The following PILRA variants were observed in gnomAD, a reference collection of about 807,000 sequenced individuals.
PILRA encodes paired immunoglobulin-like type 2 receptor alpha.
In PILRA, 37 loss-of-function variants were observed where a neutral mutation model predicts 33.1. That is an observed-to-expected ratio of 1.12 (90% confidence interval 0.86 to 1.47). PILRA has a LOEUF of 1.47. Ranked by LOEUF, PILRA falls within the 40% of genes most tolerant of loss-of-function variation. PILRA has a pLI of 0.00. For missense variants in PILRA, 312 were observed against 376.2 expected (o/e 0.83, Z 1.41); for synonymous variants, 146 against 149.9 (o/e 0.97, Z 0.19).
chr7:100,374,469 C>G, intron 2 of PILRA, 36 bp downstream of exon 2: 3 of 1,612,160 alleles, frequency 1.9e-6, no homozygotes, highest in Non-Finnish European at 2.5e-6. Context: ...CTTTGCCCAC[C>G]GCAGTGAGGC....
At chr7:100,391,405 G>T (rs1310450919) in intron 3 of PILRA, among the ~76,000 whole-genome samples, 1 of 152,084 alleles carries the variant, frequency 6.6e-6, no homozygotes, top group East Asian at 1.9e-4. Flanking sequence ...ACACTTGGTT[G>T]GTTGGGCAGG....
intron 3 of PILRA, among the ~76,000 whole-genome samples, chr7:100,393,316 AT>A (rs567703204): frequency 1.3e-4 from 19 of 150,128 alleles, no homozygotes; most frequent in East Asian, 3.9e-4. Context: ...ACCACTTATG[AT>A]TTTTTTTTTA....
At chr7:100,389,752 C>T (rs771785967) in intron 2 of PILRA, 136 bp from the exon 3 acceptor site, 22 of 694,724 alleles carry the variant, frequency 3.2e-5, no homozygotes, top group East Asian at 5.2e-5. Context: ...CCCTGTTCCC[C>T]GCTCCCTGTG....
chr7:100,381,654 G>A (rs2130182119), intron 2 of PILRA, among the ~76,000 whole-genome samples: 1 of 152,312 alleles, frequency 6.6e-6, no homozygotes, highest in South Asian at 2.1e-4. Context: ...TCATCCCGCC[G>A]CTGCACAGTG....
chr7:100,381,444 CAAAAAAAAA>C (rs60123996), intron 2 of PILRA, among the ~76,000 whole-genome samples: 1 of 82,072 alleles, frequency 1.2e-5, no homozygotes, highest in Non-Finnish European at 2.4e-5. Context: ...GATCCTGACT[CAAAAAAAAA>C]AAAAAAAAAA....
intron 2 of PILRA, chr7:100,376,294 T>A (rs1484962167): frequency 6.6e-6 from 1 of 152,026 alleles, no homozygotes; most frequent in African/African-American, 2.4e-5. Flanking sequence ...TTTTGAGAGA[T>A]TTGGGTTTTT....
At chr7:100,383,862 G>A (rs1791187000) in intron 2 of PILRA, among the ~76,000 whole-genome samples, 1 of 152,046 alleles carries the variant, frequency 6.6e-6, no homozygotes, top group Non-Finnish European at 1.5e-5. Context: ...GTCTCGAACT[G>A]TTGACTTCAG....
chr7:100,395,281 T>A (rs187149492), intron 3 of PILRA, among the ~76,000 whole-genome samples: 194 of 152,240 alleles, frequency 1.3e-3, no homozygotes, highest in Non-Finnish European at 1.9e-3. Flanking sequence ...GGTGCTTAGG[T>A]CATGACGGCT....
chr7:100,391,478 G>A (rs1395335145), intron 3 of PILRA, among the ~76,000 whole-genome samples: 1 of 152,162 alleles, frequency 6.6e-6, no homozygotes, highest in East Asian at 1.9e-4. Flanking sequence ...CTTGAGCCAA[G>A]GAGTTCAAGA....
intron 4 of PILRA, 73 bp downstream of exon 4, chr7:100,397,985 A>G: frequency 6.8e-7 from 1 of 1,474,942 alleles, no homozygotes; most frequent in Non-Finnish European, 9.5e-7. Context: ...GGAAACAGGG[A>G]GTGTGCTGCT....
Position 100,397,878 on chromosome 7 carries a change from G to C in PILRA, c.674-1G>C. ...CTGACTCACTGTTGGTCCCCCTACA[G>C]GTCAGCAGCGGACTAAAGCCACAAC... On this transcript the variant is annotated splice_acceptor_variant, in intron 3 of 6. Transcript: ENST00000198536. LOFTEE classifies it high-confidence loss of function. 6.2e-7 allele frequency: 1 copy of C among 1,613,892 alleles called. No homozygotes were observed. The highest frequency in any genetic ancestry group is 8.5e-7 in the Non-Finnish European group (1 of 1,179,936).
At position 100,390,058 on chromosome 7, in the gene PILRA, A is replaced by G. The variant is rs1371429769; in HGVS notation, c.625A>G (p.Ile209Val). ...GVAVAVTVLG[I>V]MILGLICLLR... Reference sequence around the variant, plus strand: ...GGCAGTGGCTGTCACTGTGCTCGGAATCATGATTTTGGGACTGATCTGCCT... The same window carrying G: ...GGCAGTGGCTGTCACTGTGCTCGGAGTCATGATTTTGGGACTGATCTGCCT... Residue 209 changes from isoleucine to valine, a missense_variant, in exon 3 of 7, where the codon ATC (isoleucine) becomes GTC (valine). Transcript: ENST00000198536. The G allele has an allele frequency of 6.2e-7, 1 of 1,613,968 alleles. No individual in the cohort carries two copies. Among genetic ancestry groups the G allele is most frequent in the Non-Finnish European group, 8.5e-7 (1 of 1,180,010 alleles).
chr7:100,381,366 G>A (rs1318356425), intron 2 of PILRA, among the ~76,000 whole-genome samples: 1 of 150,986 alleles, frequency 6.6e-6, no homozygotes, highest in East Asian at 2.0e-4. Context: ...GGATCACTTG[G>A]GGCTGGGAGG....
At chr7:100,376,281 C>CTT (rs1209943939) in intron 2 of PILRA, 1 of 151,954 alleles carries the variant, frequency 6.6e-6, no homozygotes, top group East Asian at 1.9e-4. Flanking sequence ...CTTAAATGGC[C>CTT]TTTTTTGAGA....
intron 4 of PILRA, among the ~76,000 whole-genome samples, chr7:100,398,886 A>C (rs138713080): frequency 0.019 from 2,940 of 152,018 alleles, 345 homozygotes; most frequent in Admixed American, 0.18. Context: ...CAGGTTGCAG[A>C]GCACTCCCCA....
chr7:100,396,124 A>AAAAT (rs376347557), intron 3 of PILRA, among the ~76,000 whole-genome samples: 336 of 151,976 alleles, frequency 2.2e-3, no homozygotes, highest in East Asian at 4.5e-3. Context: ...ACTTCATCTC[A>AAAAT]AAATAAATAA....
At chr7:100,372,145 C>T (rs916943778), upstream of PILRA, among the ~76,000 whole-genome samples, 6 of 152,174 alleles carry the variant, frequency 3.9e-5, no homozygotes, top group Non-Finnish European at 8.8e-5. Flanking sequence ...CCAGTTCAGC[C>T]CAAAGCCCCC....
At chr7:100,383,257 CAG>C (rs1458255111) in intron 2 of PILRA, among the ~76,000 whole-genome samples, 2 of 152,112 alleles carry the variant, frequency 1.3e-5, no homozygotes, top group African/African-American at 2.4e-5. Context: ...CCAGAGAAGA[CAG>C]AAATGTGTAG....
intron 3 of PILRA, 28 bp from the exon 4 acceptor site, chr7:100,397,851 C>A (rs1313830153): frequency 1.2e-6 from 2 of 1,612,800 alleles, no homozygotes; most frequent in Admixed American, 1.7e-5. Flanking sequence ...CCGGATGCCA[C>A]CCTGACTCAC....
Sources: allele counts gnomAD v4.1 joint callset (sites outside exome capture counted in the v4.1 genomes callset), GRCh38; gene constraint gnomAD v4.1.1; transcripts MANE v1.5; gene names NCBI Gene and HGNC (gene_info 2026-07-23, HGNC 2026-07-21).